Variants in SOBP observed in about 807,000 individuals in gnomAD.
The protein encoded by SOBP is sine oculis binding protein homolog.
In SOBP, 4 loss-of-function variants were observed where a neutral mutation model predicts 53.6. The observed-to-expected ratio is 0.07, with a 90% CI of 0.04 to 0.17. The LOEUF is 0.17. Among genes scored for constraint, SOBP ranks in the 10% least tolerant of loss-of-function variants. The pLI, the probability that SOBP is intolerant of heterozygous loss-of-function variation, is 1.00. For missense variants in SOBP, 1,088 were observed against 1,204.7 expected, an observed-to-expected ratio of 0.90 and a Z score of 1.43; for synonymous variants, 584 against 522.6, an observed-to-expected ratio of 1.12 and a Z score of -1.60.
At chr6:107,643,584 T>A (rs930505291) in intron 6 of SOBP, among the ~76,000 whole-genome samples, 2 of 151,370 alleles carry the variant, frequency 1.3e-5, no homozygotes, top group East Asian at 1.9e-4. Context: ...GTCCAGCTAA[T>A]TTTTTTTTGT....
rs767166553 is a variant in SOBP, at chr6:107,634,578, C to T, written c.1734C>T (p.Ser578=). 9 of 1,604,728 alleles carry T rather than the reference C, an allele frequency of 5.6e-6. No homozygotes were observed. The highest frequency in any genetic ancestry group is 6.8e-6 in the Non-Finnish European group (8 of 1,179,684). Reference sequence around the variant, plus strand: ...CCGCGGCGGCGGGCGGCAAGCCAAGCGGACACTCCCTGTCCCCCCGGGACT... The same window carrying T: ...CCGCGGCGGCGGGCGGCAAGCCAAGTGGACACTCCCTGTCCCCCCGGGACT... ...GDSAAAGGKP[S]GHSLSPRDSK... The change falls in exon 6 of 7, where the codon AGC becomes AGT. Residue 578 remains serine (S), a synonymous_variant. Coordinates refer to ENST00000317357, the MANE Select transcript of SOBP (RefSeq NM_018013.4). The surrounding 1 kb of genome is among the most constrained non-coding windows in gnomAD (Gnocchi z 4.5).
intron 3 of SOBP, among the ~76,000 whole-genome samples, chr6:107,527,454 G>A (rs778797124): frequency 6.6e-5 from 10 of 152,180 alleles, no homozygotes; most frequent in Non-Finnish European, 1.2e-4. Flanking sequence ...CCACAGGAGG[G>A]GATGTGATTG....
chr6:107,561,419 C>G (rs578173635), intron 4 of SOBP, among the ~76,000 whole-genome samples: 1 of 152,148 alleles, frequency 6.6e-6, no homozygotes, highest in Non-Finnish European at 1.5e-5. Flanking sequence ...TTTTCCATAG[C>G]CTTTCATTTC....
intron 5 of SOBP, among the ~76,000 whole-genome samples, chr6:107,631,674 C>T (rs1309532408): frequency 6.6e-6 from 1 of 152,142 alleles, no homozygotes; most frequent in Non-Finnish European, 1.5e-5. Context: ...TATATTAGCA[C>T]TGAAATTTTT....
intron 5 of SOBP, among the ~76,000 whole-genome samples, chr6:107,607,085 C>G (rs1786412118): frequency 6.6e-6 from 1 of 152,170 alleles, no homozygotes; most frequent in African/African-American, 2.4e-5. Flanking sequence ...GGGACGTGCT[C>G]TGGGTGATGT....
At chr6:107,528,210 A>G (rs532493633) in intron 3 of SOBP, among the ~76,000 whole-genome samples, 2 of 152,342 alleles carry the variant, frequency 1.3e-5, no homozygotes, top group South Asian at 4.1e-4. Context: ...TTAATGGTTC[A>G]TAAGAAACAT....
intron 6 of SOBP, among the ~76,000 whole-genome samples, chr6:107,638,445 A>G (rs2115157378): frequency 6.6e-6 from 1 of 152,262 alleles, no homozygotes; most frequent in Admixed American, 6.5e-5. Context: ...TCCTGACCTC[A>G]GGTGATCCAC....
At chr6:107,563,329 TTA>T (rs564578154) in intron 4 of SOBP, among the ~76,000 whole-genome samples, 10 of 152,324 alleles carry the variant, frequency 6.6e-5, no homozygotes, top group Admixed American at 5.2e-4. Context: ...AAGAAAAACT[TTA>T]TGTTATTTGA....
chr6:107,627,097 T>C (rs1770495097), intron 5 of SOBP, among the ~76,000 whole-genome samples: 1 of 152,202 alleles, frequency 6.6e-6, no homozygotes, highest in Admixed American at 6.5e-5. Flanking sequence ...TCCATCTGGA[T>C]GATTTGTATT....
At position 107,649,907 on chromosome 6, in the gene SOBP, A is replaced by G. The variant is rs6922445; in HGVS notation, c.*4-8300A>G. Among the ~76,000 whole-genome samples the G allele has an allele frequency of 9.3e-3, 1,417 of 152,286 alleles. 25 individuals are homozygous for G. The highest frequency in any genetic ancestry group is 0.033 in the African/African-American group (1,354 of 41,560). On this transcript the variant is annotated intron_variant, in intron 6 of 6. Transcript: ENST00000317357. Reference sequence around the variant, plus strand: ...GGTTCTTCGCCCCTCAGAAACTTTTAGAGGTCAGCAAGAAATAGCAATGAC... The same window carrying G: ...GGTTCTTCGCCCCTCAGAAACTTTTGGAGGTCAGCAAGAAATAGCAATGAC...
chr6:107,567,023 A>G (rs1238197601), intron 4 of SOBP, among the ~76,000 whole-genome samples: 2 of 152,246 alleles, frequency 1.3e-5, no homozygotes, highest in Non-Finnish European at 2.9e-5. Context: ...CATTTAGTGT[A>G]ACATTGAAGT....
chr6:107,599,888 C>G (rs1195694971), intron 5 of SOBP, among the ~76,000 whole-genome samples: 1 of 152,106 alleles, frequency 6.6e-6, no homozygotes. Context: ...CATGAACAAA[C>G]AAAGAAACAA....
intron 1 of SOBP, among the ~76,000 whole-genome samples, chr6:107,500,953 A>G (rs1412497353): frequency 1.3e-5 from 2 of 152,150 alleles, no homozygotes; most frequent in Non-Finnish European, 1.5e-5. Context: ...TCTCTCTTTC[A>G]TCTTGCCCCT....
intron 5 of SOBP, among the ~76,000 whole-genome samples, chr6:107,591,381 A>G (rs1278600112): frequency 6.6e-6 from 1 of 152,196 alleles, no homozygotes; most frequent in African/African-American, 2.4e-5. Flanking sequence ...CTATGCCCCA[A>G]AAGAGCACTA....
chr6:107,619,105 C>A (rs1213465113), intron 5 of SOBP, among the ~76,000 whole-genome samples: 1 of 152,164 alleles, frequency 6.6e-6, no homozygotes. Context: ...TTCACCTTCT[C>A]CTGCAGTTCA....
At position 107,634,736 on chromosome 6, in the gene SOBP, C is replaced by T. The variant is rs1363953147; in HGVS notation, c.1892C>T (p.Pro631Leu). ...VDLTRRAGSP[P>L]GPPGAGGQLG... Reference sequence around the variant, plus strand: ...CTGACGCGGCGCGCCGGCAGCCCCCCGGGCCCCCCGGGCGCGGGCGGCCAG... The same window carrying T: ...CTGACGCGGCGCGCCGGCAGCCCCCTGGGCCCCCCGGGCGCGGGCGGCCAG... Residue 631 changes from proline to leucine, a missense_variant, in exon 6 of 7, where the codon CCG becomes CTG. Physicochemically the swap from Pro to Leu is moderately conservative, Grantham distance 98. Transcript: ENST00000317357. This position sits in a 1 kb window ranked among gnomAD's most constrained non-coding sequence, Gnocchi z 4.5. 3 of 1,337,892 alleles carry T rather than the reference C, an allele frequency of 2.2e-6. No homozygotes were observed. The highest frequency in any genetic ancestry group is 2.8e-6 in the Non-Finnish European group (3 of 1,052,866). The allele number at this position is 1,337,892 out of a possible 1,614,324, so 82.9% of individuals were successfully genotyped here. A position where few individuals can be genotyped will look rare whatever the true frequency, so the allele number is the denominator to read the frequency against.
chr6:107,641,582 G>A (rs1771321724), intron 6 of SOBP, among the ~76,000 whole-genome samples: 1 of 152,112 alleles, frequency 6.6e-6, no homozygotes, highest in South Asian at 2.1e-4. Flanking sequence ...TAGCTCCCCA[G>A]TATGCCTCTT....
rs544377667 is a variant in SOBP at position 107,660,061 on chromosome 6, G to C, written c.*1858G>C. The C allele has an allele frequency of 2.0e-5, 3 of 152,664 alleles. No homozygotes were observed. The highest frequency in any genetic ancestry group is 6.5e-5 in the Admixed American group (1 of 15,304). The allele number at this position is 152,664 out of a possible 1,614,324, so 9.5% of individuals were successfully genotyped here. On this transcript the variant is annotated 3_prime_UTR_variant, in exon 7 of 7. Coordinates refer to ENST00000317357, the MANE Select transcript of SOBP (RefSeq NM_018013.4). ...CCCTCCTCTGGGGCCATATTTTTCT[G>C]CTGGGTCACAACATTCTCCTCTCCC...
intron 5 of SOBP, among the ~76,000 whole-genome samples, chr6:107,624,515 C>T (rs896726462): frequency 3.9e-5 from 6 of 152,016 alleles, no homozygotes; most frequent in East Asian, 1.9e-4. Flanking sequence ...GCTGGGAGAC[C>T]CTGGCAAACA....
Sources: gnomAD v4.1 joint callset for allele counts (sites outside exome capture counted in the v4.1 genomes callset) on GRCh38, gnomAD v4.1.1 for gene constraint, Gnocchi (gnomAD v3.1) non-coding constraint, MANE v1.5 for transcripts, NCBI Gene and HGNC (gene_info 2026-07-23, HGNC 2026-07-21) for gene names.